The following ZNF407 variants were observed in gnomAD, a reference collection of about 807,000 sequenced individuals.
ZNF407 encodes the protein zinc finger protein 407.
Under a neutral mutation model 131.2 loss-of-function variants are expected in ZNF407, and 17 were observed. The observed-to-expected ratio is 0.13, with a 90% CI of 0.09 to 0.19. ZNF407 has a LOEUF of 0.19. Among genes scored for constraint, ZNF407 ranks in the 10% least tolerant of loss-of-function variants. ZNF407 has a pLI of 1.00. For synonymous variants in ZNF407, 1,156 were observed against 1,062.0 expected, an observed-to-expected ratio of 1.09 and a Z score of -1.72; for missense variants, 2,681 against 2,830.6, an observed-to-expected ratio of 0.95 and a Z score of 1.20.
chr18:74,755,834 TCCCTC>T (rs1195359593), intron 3 of ZNF407, among the ~76,000 whole-genome samples: 1 of 112,102 alleles, frequency 8.9e-6, no homozygotes, highest in African/African-American at 3.7e-5. Context: ...CTCCCTCCCT[TCCCTC>T]CCTCCCTTCC....
At chr18:74,700,124 C>T (rs1335644467) in intron 3 of ZNF407, among the ~76,000 whole-genome samples, 8 of 152,082 alleles carry the variant, frequency 5.3e-5, no homozygotes, top group African/African-American at 1.7e-4. Flanking sequence ...AACTATGTTT[C>T]GTTGAATGGA....
At chr18:74,823,354 C>T (rs1970367473) in intron 4 of ZNF407, among the ~76,000 whole-genome samples, 1 of 152,162 alleles carries the variant, frequency 6.6e-6, no homozygotes, top group Non-Finnish European at 1.5e-5. Flanking sequence ...CAAATTCACA[C>T]ATAACAATAT....
At chr18:74,740,279 TG>T (rs1968518299) in intron 3 of ZNF407, among the ~76,000 whole-genome samples, 2 of 152,230 alleles carry the variant, frequency 1.3e-5, no homozygotes, top group Admixed American at 6.5e-5. Context: ...AATTTCAGTC[TG>T]CCTCTCTGAT....
At chr18:74,776,747 G>A (rs141422456) in intron 3 of ZNF407, among the ~76,000 whole-genome samples, 226 of 152,222 alleles carry the variant, frequency 1.5e-3, no homozygotes, top group Middle Eastern at 0.014. Flanking sequence ...GCCTATTGTC[G>A]ATCAGAAGCC....
intron 3 of ZNF407, among the ~76,000 whole-genome samples, chr18:74,764,950 T>G (rs1466083402): frequency 6.6e-6 from 1 of 152,194 alleles, no homozygotes; most frequent in Non-Finnish European, 1.5e-5. Context: ...TATCTTCACA[T>G]TAAGTAGGCT....
intron 3 of ZNF407, among the ~76,000 whole-genome samples, chr18:74,681,853 A>ATGGCATTGTTAG (rs1966991020): frequency 6.6e-6 from 1 of 152,174 alleles, no homozygotes; most frequent in African/African-American, 2.4e-5. Flanking sequence ...TAATCATTTA[A>ATGGCATTGTTAG]TGGCATTGTT....
chr18:74,714,657 A>G (rs760400420), intron 3 of ZNF407, among the ~76,000 whole-genome samples: 1 of 152,222 alleles, frequency 6.6e-6, no homozygotes, highest in Non-Finnish European at 1.5e-5. Flanking sequence ...TAAAAATTGC[A>G]TAGCCATTGT....
At chr18:74,794,999 C>G (rs181278610) in intron 4 of ZNF407, among the ~76,000 whole-genome samples, 2 of 152,180 alleles carry the variant, frequency 1.3e-5, no homozygotes, top group East Asian at 3.9e-4. Flanking sequence ...TGTTTTTAGT[C>G]TTCAGCTTAT....
At chr18:75,062,348 ATTAC>A (rs1470049690) in intron 8 of ZNF407, 1 of 152,158 alleles carries the variant, frequency 6.6e-6, no homozygotes, top group Non-Finnish European at 1.5e-5. Flanking sequence ...ATCTTTGTTG[ATTAC>A]TTATTCAATC....
chr18:74,960,013 GCTT>G (rs1409242294), intron 8 of ZNF407, among the ~76,000 whole-genome samples: 1 of 152,198 alleles, frequency 6.6e-6, no homozygotes, highest in Admixed American at 6.5e-5. Context: ...TATCACAAGT[GCTT>G]TCACCCCATT....
intron 1 of ZNF407, among the ~76,000 whole-genome samples, chr18:74,623,305 T>C (rs776441505): frequency 3.5e-4 from 52 of 146,922 alleles, no homozygotes; most frequent in Non-Finnish European, 6.7e-4. Context: ...CAAGTGTGAG[T>C]GCGTGAGGGT....
At chr18:75,046,157 C>G (rs1250096479) in intron 8 of ZNF407, among the ~76,000 whole-genome samples, 1 of 152,162 alleles carries the variant, frequency 6.6e-6, no homozygotes, top group Non-Finnish European at 1.5e-5. Flanking sequence ...ATAACACAGT[C>G]AGCTGCTATA....
At chr18:75,036,757 C>T (rs1338847211) in intron 8 of ZNF407, among the ~76,000 whole-genome samples, 1 of 152,134 alleles carries the variant, frequency 6.6e-6, no homozygotes, top group African/African-American at 2.4e-5. Context: ...ACATAAGAAA[C>T]CCTGCAATTT....
intron 8 of ZNF407, among the ~76,000 whole-genome samples, chr18:75,002,312 TTCTTTCTTTCC>T (rs1655232063): frequency 1.3e-5 from 2 of 152,320 alleles, no homozygotes; most frequent in Non-Finnish European, 2.9e-5. Context: ...ACTTTCCTTT[TTCTTTCTTTCC>T]TCTTCCCCTC....
chr18:74,957,242 A>G (rs1480060268), intron 8 of ZNF407, among the ~76,000 whole-genome samples: 2 of 151,886 alleles, frequency 1.3e-5, no homozygotes, highest in South Asian at 2.1e-4. Flanking sequence ...CGCTTTCCCT[A>G]TCCTACAATT....
At chr18:74,755,774 TC>T (rs1568199903) in intron 3 of ZNF407, among the ~76,000 whole-genome samples, 205 of 105,774 alleles carry the variant, frequency 1.9e-3, no homozygotes, top group Middle Eastern at 9.4e-3. Flanking sequence ...TCTTTCTTTC[TC>T]TCTCTCTCTT....
chr18:74,973,720 T>C (rs959220599), intron 8 of ZNF407, among the ~76,000 whole-genome samples: 1 of 152,148 alleles, frequency 6.6e-6, no homozygotes, highest in Admixed American at 6.5e-5. Context: ...GATCAAGGTG[T>C]TGGTCAGGCC....
At chr18:74,961,822 T>C (rs1257209551) in intron 8 of ZNF407, among the ~76,000 whole-genome samples, 1 of 152,130 alleles carries the variant, frequency 6.6e-6, no homozygotes, top group Non-Finnish European at 1.5e-5. Context: ...CTTGAACATG[T>C]GAATTACCCA....
chr18:74,826,655 A>G (rs1205042401), intron 4 of ZNF407, among the ~76,000 whole-genome samples: 1 of 152,148 alleles, frequency 6.6e-6, no homozygotes, highest in Admixed American at 6.5e-5. Flanking sequence ...ATCCACTGGA[A>G]TGTCTGATTT....
Sources: allele counts gnomAD v4.1 joint callset (sites outside exome capture counted in the v4.1 genomes callset), GRCh38; gene constraint gnomAD v4.1.1; transcripts MANE v1.5; gene names NCBI Gene and HGNC (gene_info 2026-07-23, HGNC 2026-07-21).